Variants in HECW2 observed in about 807,000 individuals in gnomAD.
The protein encoded by HECW2 is E3 ubiquitin-protein ligase HECW2.
Under a neutral mutation model 175.2 loss-of-function variants are expected in HECW2, and 61 were observed. That is an observed-to-expected ratio of 0.35 (90% CI 0.28 to 0.43). HECW2 has a LOEUF of 0.43. Ranked by LOEUF, HECW2 falls within the 20% of genes least tolerant of loss-of-function variation. The probability of loss-of-function intolerance (pLI) is 1.00; values close to 1 mark genes in which losing one functional copy is unlikely to be tolerated. For synonymous variants in HECW2, 671 were observed against 731.0 expected (o/e 0.92, Z 1.32); for missense variants, 1,524 against 2,000.5 (o/e 0.76, Z 4.54).
intron 14 of HECW2, among the ~76,000 whole-genome samples, chr2:196,282,791 G>A (rs1219526162): frequency 5.3e-5 from 8 of 152,136 alleles, no homozygotes; most frequent in Admixed American, 3.3e-4. Context: ...CTGTGTTGGT[G>A]TTAATGCTGG....
At chr2:196,203,764 G>A (rs1686958611) in intron 28 of HECW2, among the ~76,000 whole-genome samples, 1 of 152,050 alleles carries the variant, frequency 6.6e-6, no homozygotes, top group Non-Finnish European at 1.5e-5. Context: ...ACAGTACCAT[G>A]GCATTAGTAC....
intron 19 of HECW2, among the ~76,000 whole-genome samples, chr2:196,246,266 G>GA (rs1319425921): frequency 6.6e-6 from 1 of 152,214 alleles, no homozygotes; most frequent in Admixed American, 6.5e-5. Flanking sequence ...CTGCAGACTA[G>GA]AAAACCCAGA....
chr2:196,210,546 T>C (rs1388358854), intron 28 of HECW2, among the ~76,000 whole-genome samples: 1 of 151,894 alleles, frequency 6.6e-6, no homozygotes, highest in African/African-American at 2.4e-5. Flanking sequence ...TTAATATATA[T>C]TTAATATATA....
chr2:196,572,556 A>AT (rs991634099), intron 1 of HECW2, among the ~76,000 whole-genome samples: 1 of 152,174 alleles, frequency 6.6e-6, no homozygotes, highest in African/African-American at 2.4e-5. Context: ...ACATTACTGA[A>AT]TTGTACATTT....
intron 1 of HECW2, among the ~76,000 whole-genome samples, chr2:196,478,600 C>G (rs970576306): frequency 6.6e-6 from 1 of 151,868 alleles, no homozygotes; most frequent in Non-Finnish European, 1.5e-5. Context: ...TTACTTTTTA[C>G]CTAATCCCCA....
intron 1 of HECW2, among the ~76,000 whole-genome samples, chr2:196,524,254 T>A (rs1317031566): frequency 1.6e-3 from 213 of 134,268 alleles, no homozygotes; most frequent in African/African-American, 6.8e-3. Flanking sequence ...ATTTTCTAGT[T>A]TATTTGCGTA....
chr2:196,406,840 C>T (rs1225546218), intron 2 of HECW2, among the ~76,000 whole-genome samples: 1 of 152,210 alleles, frequency 6.6e-6, no homozygotes, highest in Non-Finnish European at 1.5e-5. Flanking sequence ...CATCACCTTG[C>T]AGAAAGGTCT....
chr2:196,426,116 A>ATGATAAAG (rs1458468574), intron 2 of HECW2, among the ~76,000 whole-genome samples: 1 of 152,162 alleles, frequency 6.6e-6, no homozygotes, highest in Admixed American at 6.6e-5. Context: ...ACATTTTTTT[A>ATGATAAAG]TGATAAAGTC....
At chr2:196,541,784 G>T (rs1256926528) in intron 1 of HECW2, among the ~76,000 whole-genome samples, 1 of 151,250 alleles carries the variant, frequency 6.6e-6, no homozygotes, top group Non-Finnish European at 1.5e-5. Context: ...AAACCAGAAA[G>T]GACTCTATCT....
chr2:196,563,250 C>T (rs548506620), intron 1 of HECW2, among the ~76,000 whole-genome samples: 20 of 152,088 alleles, frequency 1.3e-4, no homozygotes, highest in African/African-American at 4.8e-4. Flanking sequence ...AATGTTATAA[C>T]GTTATCTTAG....
At chr2:196,516,388 T>C (rs1190234584) in intron 1 of HECW2, among the ~76,000 whole-genome samples, 4 of 140,682 alleles carry the variant, frequency 2.8e-5, no homozygotes, top group South Asian at 2.2e-4. Flanking sequence ...TAATTCTTTA[T>C]ATTAACTGCC....
At chr2:196,271,150 T>C in intron 17 of HECW2, 43 bp downstream of exon 17, 1 of 1,131,436 alleles carries the variant, frequency 8.8e-7, no homozygotes, top group Middle Eastern at 2.0e-4. Context: ...ATTTAATGGT[T>C]TGTGCTTATG....
At chr2:196,491,371 C>T (rs58140176) in intron 1 of HECW2, among the ~76,000 whole-genome samples, 1,745 of 14,634 alleles carry the variant, frequency 0.12, 37 homozygotes, top group African/African-American at 0.18. Flanking sequence ...TATATATATA[C>T]ACACACACAC....
chr2:196,576,533 T>C (rs1006541977), intron 1 of HECW2, among the ~76,000 whole-genome samples: 4 of 152,182 alleles, frequency 2.6e-5, no homozygotes, highest in Non-Finnish European at 1.5e-5. Context: ...CAGAGTAGAA[T>C]AGTGGTTGCC....
intron 1 of HECW2, among the ~76,000 whole-genome samples, chr2:196,575,080 C>CAAA (rs1164886570): frequency 0.016 from 476 of 29,822 alleles, 29 homozygotes; most frequent in African/African-American, 0.065. Context: ...GGCCTTGTCT[C>CAAA]AAAAAAAAAA....
intron 18 of HECW2, 102 bp from the exon 19 acceptor site, chr2:196,254,131 T>C (rs1475197306): frequency 3.4e-6 from 5 of 1,485,288 alleles, no homozygotes; most frequent in Non-Finnish European, 4.5e-6. Flanking sequence ...CCGGTTTATA[T>C]CCCAAAGAGA....
chr2:196,501,822 CTT>C (rs1272887627), intron 1 of HECW2, among the ~76,000 whole-genome samples: 12 of 152,168 alleles, frequency 7.9e-5, no homozygotes, highest in Non-Finnish European at 1.8e-4. Flanking sequence ...TTATACTTCT[CTT>C]GAGCATTCAA....
intron 1 of HECW2, among the ~76,000 whole-genome samples, chr2:196,475,718 T>C (rs989705860): frequency 6.6e-6 from 1 of 152,192 alleles, no homozygotes; most frequent in Admixed American, 6.5e-5. Context: ...TGAAAACTCA[T>C]CAGCTTAATT....
At chr2:196,501,564 T>G (rs1687578831) in intron 1 of HECW2, among the ~76,000 whole-genome samples, 1 of 152,108 alleles carries the variant, frequency 6.6e-6, no homozygotes, top group Non-Finnish European at 1.5e-5. Context: ...AATTTTTTTT[T>G]AAGGAAAAAA....
Sources: allele counts gnomAD v4.1 joint callset (sites outside exome capture counted in the v4.1 genomes callset), GRCh38; gene constraint gnomAD v4.1.1; transcripts MANE v1.5; gene names NCBI Gene and HGNC (gene_info 2026-07-23, HGNC 2026-07-21).